EVA1A: variants seen among roughly 807,000 people sequenced by gnomAD.
The protein encoded by EVA1A is protein eva-1 homolog A.
A neutral mutation model predicts 9.8 loss-of-function variants in EVA1A; 7 were observed. The ratio of observed to expected loss-of-function variants is 0.71; its 90% confidence interval spans 0.41 to 1.34. The LOEUF (loss-of-function observed/expected upper bound fraction) is 1.34. Ranked by LOEUF, EVA1A falls within the 40% of genes most tolerant of loss-of-function variation. The pLI is 0.01. For synonymous variants in EVA1A, 90 were observed against 85.6 expected, an observed-to-expected ratio of 1.05 and a Z score of -0.28; for missense variants, 206 against 205.9, an observed-to-expected ratio of 1.00 and a Z score of 0.00.
intron 1 of EVA1A, among the ~76,000 whole-genome samples, chr2:75,554,348 A>G (rs1339828567): frequency 1.3e-5 from 2 of 152,182 alleles, no homozygotes; most frequent in African/African-American, 4.8e-5. Context: ...TGGTGATCAA[A>G]GAGGGGGCAA....
At chr2:75,509,995 G>T (rs1304017678) in intron 3 of EVA1A, among the ~76,000 whole-genome samples, 2 of 151,952 alleles carry the variant, frequency 1.3e-5, no homozygotes, top group African/African-American at 4.8e-5. Context: ...GTTAAAGCTG[G>T]GTGACAGGTC....
intron 3 of EVA1A, among the ~76,000 whole-genome samples, chr2:75,516,881 G>C (rs543145791): frequency 8.3e-4 from 126 of 152,276 alleles, no homozygotes; most frequent in Non-Finnish European, 1.4e-3. Context: ...ATGTTGCCTT[G>C]AAGCAAGAGC....
At chr2:75,556,937 C>T (rs144822986) in intron 1 of EVA1A, among the ~76,000 whole-genome samples, 40 of 152,272 alleles carry the variant, frequency 2.6e-4, no homozygotes, top group African/African-American at 9.4e-4. Flanking sequence ...GTTTGAGGAC[C>T]TCACCATGGG....
intron 3 of EVA1A, among the ~76,000 whole-genome samples, chr2:75,500,772 G>A (rs1232467570): frequency 3.0e-5 from 4 of 133,456 alleles, no homozygotes; most frequent in African/African-American, 1.1e-4. Context: ...CTTTCTGCCT[G>A]AGGCTCCCTT....
At position 75,494,430 on chromosome 2, in the gene EVA1A, A is replaced by AT. The variant is rs1246836934; in HGVS notation, c.86-822dup. The stretch of plus-strand genomic sequence containing the variant: ...TAAGATTAGGTTACATAAGACTGTG[A>AT]TTTTGTCTTGTTCTCTTACTCTCTC... On this transcript the variant is annotated intron_variant, in intron 3 of 3. Transcript: ENST00000393913. Among the ~76,000 whole-genome samples the AT allele has an allele frequency of 5.9e-5, 9 of 152,238 alleles. No homozygotes were observed. The East Asian group carries it at 1.5e-3, about 26-fold the overall frequency.
chr2:75,495,960 T>C (rs1247451772), intron 3 of EVA1A, among the ~76,000 whole-genome samples: 1 of 152,102 alleles, frequency 6.6e-6, no homozygotes, highest in Non-Finnish European at 1.5e-5. Context: ...CTAGGCCACA[T>C]GACAAGGTAG....
chr2:75,546,907 C>CAAAAAAAAAAAA (rs751386318), intron 1 of EVA1A, among the ~76,000 whole-genome samples: 1 of 66,876 alleles, frequency 1.5e-5, no homozygotes, highest in Non-Finnish European at 3.2e-5. Flanking sequence ...ATCAATAGGC[C>CAAAAAAAAAAAA]AAAAAAAAAA....
chr2:75,535,884 A>C (rs992389585), intron 1 of EVA1A, among the ~76,000 whole-genome samples: 11 of 152,190 alleles, frequency 7.2e-5, no homozygotes, highest in Admixed American at 6.5e-4. Flanking sequence ...CCACTGTACG[A>C]TTCATCCATG....
In EVA1A at chr2:75,549,525, G is replaced by C. The variant is rs140205087; in HGVS notation, c.-192+11155C>G. 2.7e-3 allele frequency among the ~76,000 whole-genome samples: 410 copies of C among 152,290 alleles called. 5 individuals carry two copies. The highest frequency in any genetic ancestry group is 9.3e-3 in the African/African-American group (387 of 41,554). On this transcript the variant is annotated intron_variant, in intron 1 of 3. Transcript: ENST00000393913. ...TCTGCACATGCCCACATCCAGGTGAGAGACCTGGCTGGGAGGAGAGTGGGG... is the reference window on the plus strand; with the variant it reads ...TCTGCACATGCCCACATCCAGGTGACAGACCTGGCTGGGAGGAGAGTGGGG...
intron 3 of EVA1A, among the ~76,000 whole-genome samples, chr2:75,496,463 A>G (rs557477855): frequency 6.6e-6 from 1 of 152,324 alleles, no homozygotes; most frequent in East Asian, 1.9e-4. Flanking sequence ...TACCTAAAAA[A>G]TAGCTACCCA....
chr2:75,518,839 A>G, intron 2 of EVA1A: 1 of 985,422 alleles, frequency 1.0e-6, no homozygotes, highest in Non-Finnish European at 1.2e-6. Context: ...AGGTCACTAA[A>G]TGTGTGCCTT....
chr2:75,540,270 C>A (rs1676063389), intron 1 of EVA1A, among the ~76,000 whole-genome samples: 1 of 152,148 alleles, frequency 6.6e-6, no homozygotes, highest in Admixed American at 6.5e-5. Context: ...CAAGAAATGG[C>A]AATTATTATT....
chr2:75,512,041 G>A (rs1460267817), intron 3 of EVA1A, among the ~76,000 whole-genome samples: 2 of 151,690 alleles, frequency 1.3e-5, no homozygotes, highest in Admixed American at 6.6e-5. Flanking sequence ...AAATTTTATG[G>A]GTACATAGAA....
chr2:75,518,601 C>G, intron 2 of EVA1A: 1 of 990,780 alleles, frequency 1.0e-6, no homozygotes, highest in Non-Finnish European at 1.2e-6. Flanking sequence ...CTTTCTCTGC[C>G]CTGTATCTTC....
intron 1 of EVA1A, among the ~76,000 whole-genome samples, chr2:75,523,399 A>T (rs1675299613): frequency 6.6e-6 from 1 of 152,204 alleles, no homozygotes; most frequent in African/African-American, 2.4e-5. Flanking sequence ...ACTATCAGGC[A>T]CTGACCCTAG....
chr2:75,549,287 C>T (rs961309605), intron 1 of EVA1A, among the ~76,000 whole-genome samples: 1 of 151,970 alleles, frequency 6.6e-6, no homozygotes, highest in African/African-American at 2.4e-5. Flanking sequence ...AGGAATAAAG[C>T]CAAGTATGGG....
intron 1 of EVA1A, among the ~76,000 whole-genome samples, chr2:75,568,585 T>C (rs78604973): frequency 0.047 from 7,187 of 152,116 alleles, 258 homozygotes; most frequent in African/African-American, 0.095. Context: ...CTGTACCCAG[T>C]GTGTAGTCTT....
intron 1 of EVA1A, among the ~76,000 whole-genome samples, chr2:75,552,476 C>T (rs150347919): frequency 8.2e-4 from 125 of 152,264 alleles, no homozygotes; most frequent in Middle Eastern, 3.4e-3. Flanking sequence ...AATCAGTCAC[C>T]AAATCATGCC....
chr2:75,567,542 C>G (rs1677049641), intron 1 of EVA1A, among the ~76,000 whole-genome samples: 1 of 152,184 alleles, frequency 6.6e-6, no homozygotes, highest in Non-Finnish European at 1.5e-5. Flanking sequence ...ACAAATCATA[C>G]CGAGCTCTTA....
Sources: gnomAD v4.1 joint callset for allele counts (sites outside exome capture counted in the v4.1 genomes callset) on GRCh38, gnomAD v4.1.1 for gene constraint, MANE v1.5 for transcripts, NCBI Gene and HGNC (gene_info 2026-07-23, HGNC 2026-07-21) for gene names.